SPOCK1: variants seen among roughly 807,000 people sequenced by gnomAD.
The protein encoded by SPOCK1 is testican-1.
A neutral mutation model predicts 55.3 loss-of-function variants in SPOCK1; 23 were observed. The observed-to-expected ratio is 0.42, with a 90% CI of 0.30 to 0.59. The LOEUF (loss-of-function observed/expected upper bound fraction) is 0.59, where lower values mean the gene tolerates loss of function less well. SPOCK1 is among the 20% of genes least tolerant of loss of function. SPOCK1 has a pLI of 0.22. For synonymous variants in SPOCK1, 226 were observed against 221.0 expected (o/e 1.02, Z -0.20); for missense variants, 499 against 552.5 (o/e 0.90, Z 0.97).
At chr5:137,129,959 T>C (rs149443470) in intron 4 of SPOCK1, among the ~76,000 whole-genome samples, 1 of 152,316 alleles carries the variant, frequency 6.6e-6, no homozygotes, top group Non-Finnish European at 1.5e-5. Context: ...AAAGGGATCA[T>C]TTTAAAGAGG....
rs570021400 is a variant in SPOCK1, at chr5:137,021,838, A to G, written c.590-29238T>C. 3.9e-5 allele frequency among the ~76,000 whole-genome samples: 6 copies of G among 152,260 alleles called. No individual in the cohort carries two copies. The East Asian group carries it at 1.2e-3, about 29-fold the overall frequency. On this transcript the variant is annotated intron_variant, in intron 6 of 10. Transcript: ENST00000394945. ...GATGCAGTTGATTTTTTTAATACCC[A>G]TATGTTTCACTGAGAAAAGAGATGA...
At chr5:137,144,492 T>G (rs1335232749) in intron 3 of SPOCK1, among the ~76,000 whole-genome samples, 2 of 152,234 alleles carry the variant, frequency 1.3e-5, no homozygotes, top group African/African-American at 4.8e-5. Context: ...GTAAATGAAC[T>G]TCACAGAGCA....
At chr5:137,413,166 CT>C (rs1462794636) in intron 2 of SPOCK1, among the ~76,000 whole-genome samples, 1 of 152,186 alleles carries the variant, frequency 6.6e-6, no homozygotes, top group Non-Finnish European at 1.5e-5. Flanking sequence ...AAATTCTTTT[CT>C]TCTCAGTCAA....
At chr5:137,197,115 G>A (rs754960755) in intron 3 of SPOCK1, among the ~76,000 whole-genome samples, 5 of 152,138 alleles carry the variant, frequency 3.3e-5, no homozygotes, top group Admixed American at 6.5e-5. Flanking sequence ...GACTGTGGAG[G>A]CTCACTGATT....
At chr5:137,364,652 T>C (rs776174895) in intron 2 of SPOCK1, among the ~76,000 whole-genome samples, 19 of 152,198 alleles carry the variant, frequency 1.2e-4, no homozygotes, top group Non-Finnish European at 2.5e-4. Flanking sequence ...TGGGACTGTA[T>C]GAAAAGGGCA....
At chr5:137,019,638 T>C (rs1751528914) in intron 6 of SPOCK1, among the ~76,000 whole-genome samples, 1 of 152,042 alleles carries the variant, frequency 6.6e-6, no homozygotes, top group Non-Finnish European at 1.5e-5. Flanking sequence ...AAGATTTTAC[T>C]TAGAATGACA....
intron 2 of SPOCK1, among the ~76,000 whole-genome samples, chr5:137,416,603 A>G (rs1580913958): frequency 6.6e-6 from 1 of 152,178 alleles, no homozygotes; most frequent in African/African-American, 2.4e-5. Flanking sequence ...TGGGGGAAAT[A>G]AAAGATACAG....
chr5:137,363,190 AG>A (rs1414451510), intron 2 of SPOCK1, among the ~76,000 whole-genome samples: 2 of 152,202 alleles, frequency 1.3e-5, no homozygotes, highest in African/African-American at 4.8e-5. Context: ...CTGCCCTGTA[AG>A]TACCTACCTA....
chr5:137,453,545 T>C (rs1048013539), intron 2 of SPOCK1, among the ~76,000 whole-genome samples: 9 of 152,196 alleles, frequency 5.9e-5, no homozygotes, highest in South Asian at 4.1e-4. Context: ...TCCGCAATTT[T>C]CTATTTCATT....
At position 137,214,548 on chromosome 5, in the gene SPOCK1, A is replaced by G. The variant is rs2127083833; in HGVS notation, c.232+52462T>C. ...TGGCACATTGCAATCACTCAACAAC[A>G]ACGATGTCAGATGACTGATTGAATA... On this transcript the variant is annotated intron_variant, in intron 3 of 10. Coordinates refer to ENST00000394945, the MANE Select transcript of SPOCK1 (RefSeq NM_004598.4). 2.6e-5 allele frequency among the ~76,000 whole-genome samples: 4 copies of G among 152,112 alleles called. No homozygotes were observed. The Middle Eastern group carries it at 0.014, about 517-fold the overall frequency.
chr5:137,490,772 C>G (rs1391860002), intron 2 of SPOCK1, among the ~76,000 whole-genome samples: 6 of 152,106 alleles, frequency 3.9e-5, no homozygotes, highest in African/African-American at 1.4e-4. Context: ...GGAGGTCCAG[C>G]AAGAATATAA....
At chr5:137,302,726 A>G (rs1253711775) in intron 2 of SPOCK1, among the ~76,000 whole-genome samples, 1 of 152,224 alleles carries the variant, frequency 6.6e-6, no homozygotes, top group Non-Finnish European at 1.5e-5. Context: ...TAATTTCAGG[A>G]GTAAGGTACA....
At chr5:137,388,351 C>T (rs1236450490) in intron 2 of SPOCK1, among the ~76,000 whole-genome samples, 6 of 151,610 alleles carry the variant, frequency 4.0e-5, no homozygotes. Flanking sequence ...AAAAATTGTG[C>T]CAAGTTCTTG....
intron 3 of SPOCK1, among the ~76,000 whole-genome samples, chr5:137,161,048 A>C (rs1278514390): frequency 2.7e-5 from 4 of 146,796 alleles, no homozygotes; most frequent in South Asian, 2.1e-4. Flanking sequence ...TTTTATATAT[A>C]TCTCTCTAAT....
chr5:137,099,083 G>T (rs1362213555), intron 5 of SPOCK1, among the ~76,000 whole-genome samples: 1 of 152,198 alleles, frequency 6.6e-6, no homozygotes, highest in African/African-American at 2.4e-5. Context: ...AGTGTTCGGG[G>T]TGCCCACACC....
intron 3 of SPOCK1, among the ~76,000 whole-genome samples, chr5:137,218,093 T>G (rs1046311558): frequency 5.3e-5 from 8 of 152,232 alleles, no homozygotes; most frequent in African/African-American, 1.9e-4. Flanking sequence ...CACTGACTTG[T>G]GACCACAAAT....
chr5:137,020,404 G>A (rs1328123173), intron 6 of SPOCK1, among the ~76,000 whole-genome samples: 1 of 151,716 alleles, frequency 6.6e-6, no homozygotes, highest in Non-Finnish European at 1.5e-5. Context: ...AACACAATAA[G>A]AGGTTCACAT....
At chr5:137,439,473 G>A (rs1752943225) in intron 2 of SPOCK1, among the ~76,000 whole-genome samples, 1 of 152,176 alleles carries the variant, frequency 6.6e-6, no homozygotes, top group Non-Finnish European at 1.5e-5. Context: ...CAGAGGTAGG[G>A]GGTGAGGGGG....
chr5:137,420,201 T>C (rs1300225436), intron 2 of SPOCK1, among the ~76,000 whole-genome samples: 3 of 152,382 alleles, frequency 2.0e-5, no homozygotes, highest in South Asian at 2.1e-4. Flanking sequence ...GGTTTGCCAG[T>C]ATTTTATTGA....
Sources: gnomAD v4.1 joint callset for allele counts (sites outside exome capture counted in the v4.1 genomes callset) on GRCh38, gnomAD v4.1.1 for gene constraint, MANE v1.5 for transcripts, NCBI Gene and HGNC (gene_info 2026-07-23, HGNC 2026-07-21) for gene names.